The following TSPAN12 variants were observed in gnomAD, a reference collection of about 807,000 sequenced individuals.
The protein encoded by TSPAN12 is tetraspanin-12.
TSPAN12 carries 19 observed loss-of-function variants against 39.2 expected under a neutral mutation model. The observed-to-expected ratio is 0.49, with a 90% CI of 0.34 to 0.71. The LOEUF is 0.71. Among genes scored for constraint, TSPAN12 ranks in the 30% least tolerant of loss-of-function variants. The pLI, the probability that TSPAN12 is intolerant of heterozygous loss-of-function variation, is 0.01. For missense variants in TSPAN12, 314 were observed against 359.9 expected (o/e 0.87, Z 1.03); for synonymous variants, 119 against 124.8 (o/e 0.95, Z 0.31).
At position 120,803,092 on chromosome 7, in the gene TSPAN12, C is replaced by A. The variant is rs529246163; in HGVS notation, c.612+3457G>T. On this transcript the variant is annotated intron_variant, in intron 7 of 7. Transcript: ENST00000222747. ...AATTTAAAAACCCATTCTACACTAC[C>A]AATGACATGGTTATCTGACCTTGAC... Among the ~76,000 whole-genome samples the A allele has an allele frequency of 7.9e-5, 12 of 152,222 alleles. No homozygotes were observed. The South Asian group carries it at 2.5e-3, about 32-fold the overall frequency.
Position 120,791,717 on chromosome 7 carries a change from A to G in TSPAN12, c.613-2820T>C, listed in dbSNP as rs556959238. Among the ~76,000 whole-genome samples the G allele has an allele frequency of 4.4e-4, 67 of 152,334 alleles. 1 individual carries two copies. Among genetic ancestry groups the G allele is most frequent in the African/African-American group, 1.6e-3 (65 of 41,580 alleles). ...AGTTTATCATGTTTCATATCTTGGC[A>G]CTGTTTAAAGTCTATTTCAGTTTAT... On this transcript the variant is annotated intron_variant, in intron 7 of 7. Transcript: ENST00000222747.
chr7:120,797,071 G>A (rs966926675), intron 7 of TSPAN12, among the ~76,000 whole-genome samples: 1 of 152,178 alleles, frequency 6.6e-6, no homozygotes, highest in African/African-American at 2.4e-5. Context: ...GCAGGAGAAT[G>A]GCGTGAACCT....
At chr7:120,816,293 T>C (rs1422257288) in intron 4 of TSPAN12, among the ~76,000 whole-genome samples, 1 of 151,936 alleles carries the variant, frequency 6.6e-6, no homozygotes, top group African/African-American at 2.4e-5. Context: ...CTTTCTATAG[T>C]AAGTTTCTAT....
intron 7 of TSPAN12, among the ~76,000 whole-genome samples, chr7:120,800,278 C>G (rs1345384536): frequency 1.3e-5 from 2 of 152,078 alleles, no homozygotes; most frequent in Non-Finnish European, 2.9e-5. Context: ...ACCACTGATA[C>G]AGTTTCTCTC....
chr7:120,793,046 T>C (rs1793562297), intron 7 of TSPAN12, among the ~76,000 whole-genome samples: 1 of 152,192 alleles, frequency 6.6e-6, no homozygotes, highest in South Asian at 2.1e-4. Context: ...CTAACTCTGC[T>C]CTCAACCCTT....
intron 4 of TSPAN12, among the ~76,000 whole-genome samples, chr7:120,829,401 T>C (rs1011860860): frequency 3.9e-5 from 6 of 151,998 alleles, no homozygotes; most frequent in African/African-American, 9.7e-5. Flanking sequence ...TTTTTTTTTT[T>C]CTAAATATTC....
Position 120,788,467 on chromosome 7 carries a change from T to C in TSPAN12, c.*125A>G, listed in dbSNP as rs932523752. ...CCTCATTTTAAAGCATAGAATAGTA[T>C]ATGCTTAGGTGTTATTTTATGGCAA... is the stretch of plus-strand genomic sequence containing the variant. On this transcript the variant is annotated 3_prime_UTR_variant, in exon 8 of 8. Transcript: ENST00000222747. 7.4e-5 allele frequency: 85 copies of C among 1,152,546 alleles called. No individual in the cohort carries two copies. Among genetic ancestry groups the C allele is most frequent in the Non-Finnish European group, 1.1e-4 (83 of 785,270 alleles). 71.4% of individuals were successfully genotyped at this position (1,152,546 alleles called of 1,614,324 possible). A position where few individuals can be genotyped will look rare whatever the true frequency, so the allele number is the denominator to read the frequency against.
intron 2 of TSPAN12, among the ~76,000 whole-genome samples, chr7:120,849,630 C>A (rs1163015574): frequency 6.6e-6 from 1 of 152,226 alleles, no homozygotes; most frequent in Non-Finnish European, 1.5e-5. Context: ...ATCTTAGTTA[C>A]AGCTTTGTCT....
intron 5 of TSPAN12, among the ~76,000 whole-genome samples, chr7:120,812,196 T>C (rs772872816): frequency 6.6e-6 from 1 of 152,244 alleles, no homozygotes; most frequent in Non-Finnish European, 1.5e-5. Flanking sequence ...ACCACAGTCA[T>C]TGTTGTAATA....
intron 4 of TSPAN12, among the ~76,000 whole-genome samples, chr7:120,820,261 C>T (rs905354253): frequency 6.6e-6 from 1 of 152,114 alleles, no homozygotes; most frequent in Non-Finnish European, 1.5e-5. Flanking sequence ...TGACCTTTAG[C>T]AAACCATTTA....
At chr7:120,843,080 C>T (rs1380264357) in intron 2 of TSPAN12, among the ~76,000 whole-genome samples, 3 of 151,942 alleles carry the variant, frequency 2.0e-5, no homozygotes, top group South Asian at 2.1e-4. Context: ...AATTATAAGA[C>T]TGTCAAAGGA....
At chr7:120,791,589 C>G (rs1793524681) in intron 7 of TSPAN12, among the ~76,000 whole-genome samples, 1 of 152,082 alleles carries the variant, frequency 6.6e-6, no homozygotes, top group Admixed American at 6.5e-5. Context: ...GATCTCCTAC[C>G]TCTTTAGACT....
intron 1 of TSPAN12, chr7:120,857,265 C>T: frequency 4.0e-6 from 1 of 247,018 alleles, no homozygotes; most frequent in Non-Finnish European, 8.0e-6. Flanking sequence ...CCGGCAAGCC[C>T]GAGAGAATGA....
chr7:120,801,033 G>A (rs140506278), intron 7 of TSPAN12, among the ~76,000 whole-genome samples: 3,031 of 152,130 alleles, frequency 0.02, 103 homozygotes, highest in African/African-American at 0.068. Flanking sequence ...TGATCCACCC[G>A]CCCCAGCCTC....
At chr7:120,843,852 T>C (rs1794622510) in intron 2 of TSPAN12, among the ~76,000 whole-genome samples, 1 of 152,182 alleles carries the variant, frequency 6.6e-6, no homozygotes, top group South Asian at 2.1e-4. Context: ...TACTTGGCTA[T>C]ATGTGGGTCC....
intron 4 of TSPAN12, among the ~76,000 whole-genome samples, chr7:120,830,519 T>C (rs1429741684): frequency 6.6e-6 from 1 of 152,130 alleles, no homozygotes; most frequent in Non-Finnish European, 1.5e-5. Flanking sequence ...CAATTGATTT[T>C]TTGACAAAGA....
chr7:120,844,473 A>T (rs1256377682), intron 2 of TSPAN12, among the ~76,000 whole-genome samples: 1 of 152,222 alleles, frequency 6.6e-6, no homozygotes, highest in African/African-American at 2.4e-5. Flanking sequence ...CCAGTTAGTT[A>T]CTTCCAATAT....
intron 4 of TSPAN12, among the ~76,000 whole-genome samples, chr7:120,823,791 G>A (rs1794231795): frequency 6.6e-6 from 1 of 152,198 alleles, no homozygotes; most frequent in African/African-American, 2.4e-5. Flanking sequence ...ATAAATGACT[G>A]CAATGTTTCA....
intron 2 of TSPAN12, 31 bp from the exon 3 acceptor site, chr7:120,840,140 A>G (rs1353663710): frequency 1.3e-6 from 2 of 1,515,952 alleles, no homozygotes; most frequent in Non-Finnish European, 1.8e-6. Flanking sequence ...ACCGGTTACC[A>G]AAGATTTACG....
Sources: allele counts gnomAD v4.1 joint callset (sites outside exome capture counted in the v4.1 genomes callset), GRCh38; gene constraint gnomAD v4.1.1; transcripts MANE v1.5; gene names NCBI Gene and HGNC (gene_info 2026-07-23, HGNC 2026-07-21).